Variants in CLSTN2 observed in about 807,000 individuals in gnomAD.
CLSTN2 encodes calsyntenin 2, also known as calsyntenin-2.
Under a neutral mutation model 101.2 loss-of-function variants are expected in CLSTN2, and 48 were observed. The observed-to-expected ratio is 0.47, with a 90% CI of 0.38 to 0.60. The LOEUF (loss-of-function observed/expected upper bound fraction) is 0.60. CLSTN2 is among the 20% of genes least tolerant of loss of function. The pLI, the probability that CLSTN2 is intolerant of heterozygous loss-of-function variation, is 0.00. For synonymous variants in CLSTN2, 481 were observed against 463.6 expected, an observed-to-expected ratio of 1.04 and a Z score of -0.48; for missense variants, 1,160 against 1,238.2, an observed-to-expected ratio of 0.94 and a Z score of 0.95.
intron 2 of CLSTN2, among the ~76,000 whole-genome samples, chr3:140,279,050 C>T (rs1466027038): frequency 6.6e-6 from 1 of 152,174 alleles, no homozygotes; most frequent in African/African-American, 2.4e-5. Flanking sequence ...CACCATTGAC[C>T]AGCTTTGCCT....
intron 8 of CLSTN2, among the ~76,000 whole-genome samples, chr3:140,521,164 C>A (rs545876956): frequency 2.2e-4 from 30 of 134,122 alleles, no homozygotes; most frequent in Non-Finnish European, 4.1e-4. Context: ...CAACTCAGTT[C>A]GGTGCCCTTG....
chr3:140,265,453 G>C (rs1032527182), intron 2 of CLSTN2, among the ~76,000 whole-genome samples: 1 of 152,120 alleles, frequency 6.6e-6, no homozygotes, highest in Non-Finnish European at 1.5e-5. Flanking sequence ...AGACCCCCTG[G>C]AATCAGAGTT....
chr3:140,187,522 CAT>C (rs1294293446), intron 2 of CLSTN2, among the ~76,000 whole-genome samples: 1 of 152,168 alleles, frequency 6.6e-6, no homozygotes. Context: ...TCTATAATCT[CAT>C]AGTCTTTCCT....
At chr3:140,181,386 TGATTC>T (rs140742934) in intron 2 of CLSTN2, among the ~76,000 whole-genome samples, 32,925 of 151,928 alleles carry the variant, frequency 0.22, 3,782 homozygotes, top group Non-Finnish European at 0.26. Flanking sequence ...CACAAGTGTT[TGATTC>T]ATTTGGGTTG....
At chr3:140,065,928 C>A (rs1294467952) in intron 1 of CLSTN2, among the ~76,000 whole-genome samples, 1 of 152,140 alleles carries the variant, frequency 6.6e-6, no homozygotes, top group African/African-American at 2.4e-5. Flanking sequence ...GAGAAGGGAA[C>A]TAATGGTTTT....
intron 1 of CLSTN2, among the ~76,000 whole-genome samples, chr3:140,131,171 T>G (rs2009517484): frequency 6.6e-6 from 1 of 151,772 alleles, no homozygotes; most frequent in East Asian, 1.9e-4. Flanking sequence ...AAAAAAAAAA[T>G]CCGGGCTTTA....
At chr3:139,952,800 A>G (rs999831187) in intron 1 of CLSTN2, among the ~76,000 whole-genome samples, 4 of 152,154 alleles carry the variant, frequency 2.6e-5, no homozygotes, top group African/African-American at 9.7e-5. Context: ...AGGTCCCAAC[A>G]TGTCATTCCT....
At chr3:140,564,489 A>G in intron 16 of CLSTN2, among the ~76,000 whole-genome samples, 1 of 152,232 alleles carries the variant, frequency 6.6e-6, no homozygotes, top group East Asian at 1.9e-4. Flanking sequence ...TTAGGGACTC[A>G]GTATTGAAGT....
At chr3:140,334,243 G>T (rs1222101184) in intron 2 of CLSTN2, among the ~76,000 whole-genome samples, 2 of 152,170 alleles carry the variant, frequency 1.3e-5, no homozygotes, top group Non-Finnish European at 2.9e-5. Context: ...TTATCATGAA[G>T]TCATTGCTTA....
intron 11 of CLSTN2, among the ~76,000 whole-genome samples, chr3:140,557,496 G>A (rs558367728): frequency 1.2e-4 from 19 of 152,320 alleles, no homozygotes; most frequent in Admixed American, 1.1e-3. Context: ...GAGTGAAGAT[G>A]AGAGAACAAA....
Position 140,440,038 on chromosome 3 carries a change from G to A in CLSTN2, c.788-8481G>A, listed in dbSNP as rs140153963. ...ACAAGTCATGCTCCTGAGTGGGAAC[G>A]GGACTTAAAGGAATCAGTAAATTCT... is the stretch of plus-strand genomic sequence containing the variant. On this transcript the variant is annotated intron_variant, in intron 5 of 16. Transcript: ENST00000458420. Among the ~76,000 whole-genome samples, 657 of 152,326 alleles carry A rather than the reference G, an allele frequency of 4.3e-3. 8 individuals are homozygous for A. The highest frequency in any genetic ancestry group is 0.014 in the African/African-American group (595 of 41,560).
chr3:139,984,713 G>T (rs1426524402), intron 1 of CLSTN2, among the ~76,000 whole-genome samples: 2 of 151,998 alleles, frequency 1.3e-5, no homozygotes, highest in Non-Finnish European at 1.5e-5. Context: ...TGACTCCCTA[G>T]GTAATCCTAT....
intron 8 of CLSTN2, among the ~76,000 whole-genome samples, chr3:140,479,415 T>G (rs763570049): frequency 6.6e-6 from 1 of 152,216 alleles, no homozygotes; most frequent in African/African-American, 2.4e-5. Context: ...GTTTCTACTA[T>G]GTATTATCCA....
intron 1 of CLSTN2, among the ~76,000 whole-genome samples, chr3:140,096,617 T>G (rs748868671): frequency 1.3e-5 from 2 of 152,204 alleles, no homozygotes; most frequent in Non-Finnish European, 2.9e-5. Flanking sequence ...CCACATCAGC[T>G]GGGAACATTA....
chr3:140,444,258 C>T (rs542233796), intron 5 of CLSTN2, among the ~76,000 whole-genome samples: 1 of 152,112 alleles, frequency 6.6e-6, no homozygotes, highest in African/African-American at 2.4e-5. Context: ...GGTGAAATCC[C>T]GTCTCTACTA....
At chr3:140,162,593 C>T (rs899649289) in intron 1 of CLSTN2, among the ~76,000 whole-genome samples, 2 of 152,176 alleles carry the variant, frequency 1.3e-5, no homozygotes, top group Admixed American at 1.3e-4. Flanking sequence ...CTAGGGTATT[C>T]GCTTGCAACT....
intron 2 of CLSTN2, among the ~76,000 whole-genome samples, chr3:140,382,383 C>T (rs1029078666): frequency 1.3e-5 from 2 of 152,178 alleles, no homozygotes; most frequent in African/African-American, 4.8e-5. Context: ...AGTCACTATT[C>T]CCCAACAATG....
chr3:140,032,756 G>A lies in CLSTN2; in HGVS notation c.109+97273G>A, dbSNP rs1469122741. On this transcript the variant is annotated intron_variant, in intron 1 of 16. Transcript: ENST00000458420. ...ATCTACAGTGGCTTCCAGCCCTGCA[G>A]CCCTGTTGGTTAGTCATCTGTGTGA... Among the ~76,000 whole-genome samples, 4 of 152,226 alleles carry A rather than the reference G, an allele frequency of 2.6e-5. No individual in the cohort carries two copies. The East Asian group carries it at 7.7e-4, about 29-fold the overall frequency.
intron 8 of CLSTN2, among the ~76,000 whole-genome samples, chr3:140,472,023 G>A (rs1933861217): frequency 6.6e-6 from 1 of 152,168 alleles, no homozygotes; most frequent in South Asian, 2.1e-4. Context: ...CCTCTTAAGA[G>A]GATTCACCTT....
Sources: gnomAD v4.1 joint callset for allele counts (sites outside exome capture counted in the v4.1 genomes callset) on GRCh38, gnomAD v4.1.1 for gene constraint, MANE v1.5 for transcripts, NCBI Gene and HGNC (gene_info 2026-07-23, HGNC 2026-07-21) for gene names.